Variants in TCF7L1 observed in about 807,000 individuals in gnomAD.
The protein encoded by TCF7L1 is transcription factor 7-like 1.
A neutral mutation model predicts 63.7 loss-of-function variants in TCF7L1; 18 were observed. The observed-to-expected ratio is 0.28, with a 90% CI of 0.20 to 0.42. The LOEUF is 0.42. Among genes scored for constraint, TCF7L1 ranks in the 10% least tolerant of loss-of-function variants. TCF7L1 has a pLI of 1.00. For missense variants in TCF7L1, 654 were observed against 779.3 expected, an observed-to-expected ratio of 0.84 and a Z score of 1.91; for synonymous variants, 355 against 340.9, an observed-to-expected ratio of 1.04 and a Z score of -0.46.
Position 85,133,616 on chromosome 2 carries a change from G to A in TCF7L1, c.-69G>A, listed in dbSNP as rs1253415442. ...CCCGCAAGCGGGCGGGAGGGGCGCC[G>A]GGCCGGGCCGGGCAGGGCGCGGGCG... On this transcript the variant is annotated 5_prime_UTR_variant, in exon 1 of 12. Transcript: ENST00000282111. The surrounding 1 kb of genome is among the most constrained non-coding windows in gnomAD (Gnocchi z 4.4). 1.7e-6 allele frequency: 1 copy of A among 593,136 alleles called. No individual in the cohort carries two copies. Among genetic ancestry groups the A allele is most frequent in the South Asian group, 7.0e-5 (1 of 14,230 alleles). 36.7% of individuals were successfully genotyped at this position (593,136 alleles called of 1,614,324 possible). A position where few individuals can be genotyped will look rare whatever the true frequency, so the allele number is the denominator to read the frequency against.
At chr2:85,305,750 G>A (rs1377079065) in intron 8 of TCF7L1, among the ~76,000 whole-genome samples, 2 of 152,138 alleles carry the variant, frequency 1.3e-5, no homozygotes, top group African/African-American at 2.4e-5. Context: ...GACTTGTGGT[G>A]GGCTGGTGGC....
At chr2:85,258,564 A>C (rs554114322) in intron 3 of TCF7L1, among the ~76,000 whole-genome samples, 51 of 152,352 alleles carry the variant, frequency 3.3e-4, no homozygotes, top group African/African-American at 1.2e-3. Context: ...CCACCACCGC[A>C]TTCTGGTACA....
At chr2:85,233,565 C>T (rs1680129067) in intron 3 of TCF7L1, among the ~76,000 whole-genome samples, 1 of 152,176 alleles carries the variant, frequency 6.6e-6, no homozygotes, top group Admixed American at 6.5e-5. Flanking sequence ...CTGCCCGCCT[C>T]AGCCTCCCAA....
intron 3 of TCF7L1, among the ~76,000 whole-genome samples, chr2:85,142,377 C>G (rs1310710845): frequency 1.3e-5 from 2 of 150,054 alleles, no homozygotes; most frequent in African/African-American, 4.9e-5. Context: ...ATGATCACGC[C>G]ACTGCACTCC....
In TCF7L1 at chr2:85,198,690, G is replaced by A. The variant is rs189960717; in HGVS notation, c.441+64240G>A. 2.5e-4 allele frequency among the ~76,000 whole-genome samples: 38 copies of A among 152,234 alleles called. No homozygotes were observed. In the East Asian group the frequency reaches 4.2e-3, roughly 17 times the overall value. On this transcript the variant is annotated intron_variant, in intron 3 of 11. Coordinates refer to ENST00000282111, the MANE Select transcript of TCF7L1 (RefSeq NM_031283.3). ...TTGAGACAAGCCTGGGCAACAAAGT[G>A]AGATCCCGTCTCTACAAAAAATTAG...
At chr2:85,232,885 C>G (rs763616670) in intron 3 of TCF7L1, 1 of 152,168 alleles carries the variant, frequency 6.6e-6, no homozygotes, top group Non-Finnish European at 1.5e-5. Context: ...GGTGTAACTT[C>G]AGAGAACAAA....
Position 85,304,307 on chromosome 2 carries a change from C to T in TCF7L1, c.814C>T (p.Pro272Ser), listed in dbSNP as rs1682054133. The T allele has an allele frequency of 1.2e-6, 2 of 1,614,102 alleles. No individual in the cohort carries two copies. The highest frequency in any genetic ancestry group is 1.1e-5 in the South Asian group (1 of 91,076). ...LPPGGFRHPYPALAMNASMSS... is the reference protein window; with the variant it reads ...LPPGGFRHPYSALAMNASMSS... ...TCCCGGTGGCTTCCGGCACCCTTAC[C>T]CCGCCCTCGCCATGAACGCCTCGAT... Residue 272 changes from proline to serine, a missense_variant, in exon 7 of 12, where the codon CCC becomes TCC. Pro to Ser is a moderately conservative substitution (Grantham distance 74). Coordinates refer to ENST00000282111, the MANE Select transcript of TCF7L1 (RefSeq NM_031283.3).
At chr2:85,183,927 G>A (rs1168651458) in intron 3 of TCF7L1, among the ~76,000 whole-genome samples, 1 of 152,194 alleles carries the variant, frequency 6.6e-6, no homozygotes, top group Non-Finnish European at 1.5e-5. Context: ...GGTCTGGGAG[G>A]CCTCTGCCTG....
intron 3 of TCF7L1, among the ~76,000 whole-genome samples, chr2:85,217,459 A>G (rs1206995311): frequency 6.6e-6 from 1 of 152,182 alleles, no homozygotes; most frequent in African/African-American, 2.4e-5. Context: ...CTCACTACTC[A>G]TGTCGCAGCA....
Position 85,134,739 on chromosome 2 carries a change from T to C in TCF7L1, c.441+289T>C, listed in dbSNP as rs1558612087. Reference sequence around the variant, plus strand: ...TTCTTCGCCTGCACCGAAGGAAACTTGGATTTGTGCCCGCTTTGGGGGGGT... The same window carrying C: ...TTCTTCGCCTGCACCGAAGGAAACTCGGATTTGTGCCCGCTTTGGGGGGGT... On this transcript the variant is annotated intron_variant, in intron 3 of 11. Transcript: ENST00000282111. This position sits in a 1 kb window ranked among gnomAD's most constrained non-coding sequence, Gnocchi z 5.0. Among the ~76,000 whole-genome samples, 1 of 152,100 alleles carries C rather than the reference T, an allele frequency of 6.6e-6. No individual in the cohort carries two copies. Among genetic ancestry groups the C allele is most frequent in the Non-Finnish European group, 1.5e-5 (1 of 68,022 alleles).
At chr2:85,168,793 T>C (rs970140064) in intron 3 of TCF7L1, among the ~76,000 whole-genome samples, 1 of 152,124 alleles carries the variant, frequency 6.6e-6, no homozygotes, top group African/African-American at 2.4e-5. Flanking sequence ...GGCTAATTTT[T>C]GTATTTTAGT....
chr2:85,215,655 G>C (rs1403412659), intron 3 of TCF7L1, among the ~76,000 whole-genome samples: 1 of 151,566 alleles, frequency 6.6e-6, no homozygotes, highest in South Asian at 2.1e-4. Context: ...TGCTCCTTTG[G>C]CTGTAAATCC....
rs1256471043 is a variant in TCF7L1, at chr2:85,133,708, C to CGGCGGCGGCGGG, written c.35_36insGGGCGGCGGCGG (p.Gly11_Gly14dup). 17 of 349,296 alleles carry CGGCGGCGGCGGG rather than the reference C, an allele frequency of 4.9e-5. No individual in the cohort carries two copies. The highest frequency in any genetic ancestry group is 8.4e-5 in the African/African-American group (1 of 11,966). The allele number at this position is 349,296 out of a possible 1,614,324, so 21.6% of individuals were successfully genotyped here. A position where few individuals can be genotyped will look rare whatever the true frequency, so the allele number is the denominator to read the frequency against. On this transcript the variant is annotated inframe_insertion, in exon 1 of 12. Transcript: ENST00000282111. This position sits in a 1 kb window ranked among gnomAD's most constrained non-coding sequence, Gnocchi z 4.4. ...CCATGCCCCAGCTCGGCGGCGGGGGCGGCGGCGGCGGCGGCGGCAGCGGGG... is the reference window on the plus strand; with the variant it reads ...CCATGCCCCAGCTCGGCGGCGGGGGCGGCGGCGGCGGGGGCGGCGGCGGCGGCGGCAGCGGGG...
At chr2:85,226,630 G>A (rs1679957266) in intron 3 of TCF7L1, among the ~76,000 whole-genome samples, 1 of 152,084 alleles carries the variant, frequency 6.6e-6, no homozygotes, top group South Asian at 2.1e-4. Flanking sequence ...CCCAAACTTG[G>A]TGACTTCAGC....
At chr2:85,194,047 G>T (rs1197790068) in intron 3 of TCF7L1, among the ~76,000 whole-genome samples, 1 of 152,068 alleles carries the variant, frequency 6.6e-6, no homozygotes, top group Non-Finnish European at 1.5e-5. Context: ...ATGGGATGGA[G>T]AGGGGTGGGG....
chr2:85,174,530 C>T (rs2104241164), intron 3 of TCF7L1, among the ~76,000 whole-genome samples: 1 of 152,218 alleles, frequency 6.6e-6, no homozygotes, highest in South Asian at 2.1e-4. Flanking sequence ...ATGGTACATG[C>T]ATCTCATTTA....
chr2:85,134,414 C>T lies in TCF7L1; in HGVS notation c.405C>T (p.Leu135=). Residue 135 remains leucine, a synonymous_variant, in exon 3 of 12, where the codon CTC becomes CTT. Coordinates refer to ENST00000282111, the MANE Select transcript of TCF7L1 (RefSeq NM_031283.3). The surrounding 1 kb of genome is among the most constrained non-coding windows in gnomAD (Gnocchi z 5.0). ...LMIPDLSSPY[L]SNGPLSPGGA... ...TCCCGGACCTGAGCAGCCCGTACCT[C>T]TCCAACGGACCCCTGTCTCCCGGAG... 1 of 1,564,242 alleles carries T rather than the reference C, an allele frequency of 6.4e-7. No homozygotes were observed. Among genetic ancestry groups the T allele is most frequent in the South Asian group, 1.2e-5 (1 of 85,102 alleles).
At chr2:85,302,286 G>C (rs916632657) in intron 4 of TCF7L1, among the ~76,000 whole-genome samples, 198 bp from the exon 5 acceptor site, 1 of 152,158 alleles carries the variant, frequency 6.6e-6, no homozygotes, top group Non-Finnish European at 1.5e-5. Context: ...TGAGGGGAGC[G>C]ATGGAGGGTG....
chr2:85,286,395 G>A, intron 4 of TCF7L1, among the ~76,000 whole-genome samples: 1 of 151,878 alleles, frequency 6.6e-6, no homozygotes. Context: ...AACATATAGT[G>A]GCCAGGTATG....
Sources: allele counts gnomAD v4.1 joint callset (sites outside exome capture counted in the v4.1 genomes callset), GRCh38; gene constraint gnomAD v4.1.1; non-coding constraint Gnocchi (gnomAD v3.1); transcripts MANE v1.5; gene names NCBI Gene and HGNC (gene_info 2026-07-23, HGNC 2026-07-21).